LNP1: variants seen among roughly 807,000 people sequenced by gnomAD.
LNP1 encodes leukemia NUP98 fusion partner 1.
Under a neutral mutation model 14.5 loss-of-function variants are expected in LNP1, and 12 were observed. That is an observed-to-expected ratio of 0.83 (90% CI 0.53 to 1.34). LNP1 has a LOEUF of 1.34. Among genes scored for constraint, LNP1 ranks in the 40% most tolerant of loss-of-function variants. The pLI is 0.00. For synonymous variants in LNP1, 75 were observed against 71.4 expected, an observed-to-expected ratio of 1.05 and a Z score of -0.26; for missense variants, 198 against 210.9, an observed-to-expected ratio of 0.94 and a Z score of 0.38.
At chr3:100,413,034 G>A (rs1707045007) in intron 1 of LNP1, among the ~76,000 whole-genome samples, 1 of 152,190 alleles carries the variant, frequency 6.6e-6, no homozygotes, top group Non-Finnish European at 1.5e-5. Flanking sequence ...CAATACCACT[G>A]GTGTCAGCCG....
chr3:100,419,562 T>C (rs1707124564), intron 1 of LNP1, among the ~76,000 whole-genome samples: 1 of 152,114 alleles, frequency 6.6e-6, no homozygotes, highest in South Asian at 2.1e-4. Flanking sequence ...TGTGTAACTG[T>C]CACAATCAAA....
chr3:100,454,290 TTA>T (rs1462099931), intron 3 of LNP1, among the ~76,000 whole-genome samples: 1 of 152,212 alleles, frequency 6.6e-6, no homozygotes, highest in Non-Finnish European at 1.5e-5. Context: ...ATTGAATATT[TTA>T]TTTTACATCA....
rs1297508763 is a variant in LNP1 at position 100,412,293 on chromosome 3, C to T, written c.-34+9854C>T. 2.0e-5 allele frequency among the ~76,000 whole-genome samples: 3 copies of T among 152,238 alleles called. No homozygotes were observed. In the East Asian group the frequency reaches 5.8e-4, roughly 29 times the overall value. ...TCTCTAGAGAGCAAGAACTCACTAC[C>T]GTGAGAATAGCACCAAGCAAAAGGG... On this transcript the variant is annotated intron_variant, in intron 1 of 3. Coordinates refer to ENST00000383693, the MANE Select transcript of LNP1 (RefSeq NM_001085451.2).
At chr3:100,419,913 T>C (rs547167528) in intron 1 of LNP1, among the ~76,000 whole-genome samples, 17 of 152,290 alleles carry the variant, frequency 1.1e-4, no homozygotes, top group African/African-American at 3.6e-4. Flanking sequence ...CTGGGTCATA[T>C]GGTAGATGTA....
At position 100,402,248 on chromosome 3, in the gene LNP1, T is replaced by C. The variant is rs1041881566; in HGVS notation, c.-225T>C. ...CAGAACTATGGTTCTCCATTTCTGG[T>C]ATACTGGTTTGCAGAAGCCTTACAT... On this transcript the variant is annotated 5_prime_UTR_variant, in exon 1 of 4. Transcript: ENST00000383693. The C allele has an allele frequency of 1.3e-5, 2 of 152,252 alleles. No homozygotes were observed. The highest frequency in any genetic ancestry group is 4.8e-5 in the African/African-American group (2 of 41,478). The allele number at this position is 152,252 out of a possible 1,614,324, so 9.4% of individuals were successfully genotyped here.
intron 2 of LNP1, among the ~76,000 whole-genome samples, chr3:100,436,571 C>T (rs930567688): frequency 1.3e-5 from 2 of 152,086 alleles, no homozygotes; most frequent in Non-Finnish European, 2.9e-5. Context: ...TTTCCAGATG[C>T]CTTCAGCTAA....
chr3:100,453,277 A>C (rs1356627935), intron 3 of LNP1, among the ~76,000 whole-genome samples: 1 of 152,116 alleles, frequency 6.6e-6, no homozygotes, highest in Non-Finnish European at 1.5e-5. Context: ...AGAATAGTGA[A>C]CAGCTGTCAT....
intron 1 of LNP1, 149 bp from the exon 2 acceptor site, chr3:100,429,548 A>C: frequency 1.7e-6 from 1 of 600,714 alleles, no homozygotes; most frequent in Non-Finnish European, 3.0e-6. Flanking sequence ...CTGCCTGATG[A>C]TGAAGTGGTT....
intron 2 of LNP1, among the ~76,000 whole-genome samples, chr3:100,431,679 T>G (rs1214423055): frequency 6.6e-6 from 1 of 151,912 alleles, no homozygotes; most frequent in Non-Finnish European, 1.5e-5. Context: ...ATACTTTCTA[T>G]CTCTAAAATG....
At chr3:100,450,028 TA>T (rs1162691438) in intron 2 of LNP1, among the ~76,000 whole-genome samples, 3 of 150,224 alleles carry the variant, frequency 2.0e-5, no homozygotes, top group South Asian at 2.1e-4. Flanking sequence ...GTAGTCAAAA[TA>T]AAAAAACTTT....
intron 2 of LNP1, among the ~76,000 whole-genome samples, chr3:100,448,794 G>A (rs539231692): frequency 6.6e-6 from 1 of 152,224 alleles, no homozygotes; most frequent in East Asian, 1.9e-4. Context: ...GAAACACTGT[G>A]TACACAACAC....
rs1176967468 is a variant in LNP1, at chr3:100,406,316, T to C, written c.-34+3877T>C. On this transcript the variant is annotated intron_variant, in intron 1 of 3. Transcript: ENST00000383693. ...AAAAAAAACCTCTCAGGTGTACACT[T>C]GTCTGTGGGAAAAATAAAAAAATAG... Among the ~76,000 whole-genome samples the C allele has an allele frequency of 1.3e-5, 2 of 151,702 alleles. 1 individual carries two copies. The highest frequency in any genetic ancestry group is 3.9e-4 in the East Asian group (2 of 5,154).
rs374290848 is a variant in LNP1, at chr3:100,435,024, C to G, written c.156+5139C>G. 1.1e-3 allele frequency among the ~76,000 whole-genome samples: 168 copies of G among 152,180 alleles called. 3 individuals are homozygous for G. The highest frequency in any genetic ancestry group is 3.9e-3 in the African/African-American group (162 of 41,510). ...GGCATGGCCCTCTTAGGGGAGTTCT[C>G]ACAAACCTGGGAGAGAACACATACT... On this transcript the variant is annotated intron_variant, in intron 2 of 3. Transcript: ENST00000383693.
intron 1 of LNP1, among the ~76,000 whole-genome samples, chr3:100,426,884 T>C (rs542868957): frequency 6.6e-6 from 1 of 152,312 alleles, no homozygotes; most frequent in Admixed American, 6.5e-5. Context: ...TATGAAAGTA[T>C]AAGCATATAA....
intron 2 of LNP1, among the ~76,000 whole-genome samples, chr3:100,447,779 C>T (rs1296926093): frequency 6.6e-6 from 1 of 152,118 alleles, no homozygotes; most frequent in Non-Finnish European, 1.5e-5. Flanking sequence ...TCTCTTTAAG[C>T]TTTCTTACAA....
At chr3:100,443,380 C>T (rs1707361979) in intron 2 of LNP1, among the ~76,000 whole-genome samples, 1 of 152,216 alleles carries the variant, frequency 6.6e-6, no homozygotes, top group African/African-American at 2.4e-5. Context: ...CATGGTAGGA[C>T]TGCTGTGCTT....
rs186853391 is a variant in LNP1 at position 100,451,871 on chromosome 3, A to T, written c.309A>T (p.Arg103Ser). ...AGGAGCCACTGGAATCAAAAGGAAG[A>T]TCCCATTCCAAAATTGAGAAATTTT... ...SFKEPLESKG[R>S]SHSKIEKFSE... Residue 103 changes from arginine (R) to serine (S), a missense_variant, in exon 3 of 4, where the codon AGA (arginine) becomes AGT (serine). Physicochemically the swap from Arg to Ser is moderately radical, Grantham distance 110. Coordinates refer to ENST00000383693, the MANE Select transcript of LNP1 (RefSeq NM_001085451.2). 112 of 1,304,122 alleles carry T rather than the reference A, an allele frequency of 8.6e-5. No individual in the cohort carries two copies. In the African/African-American group the frequency reaches 1.8e-3, roughly 21 times the overall value. The allele number at this position is 1,304,122 out of a possible 1,614,324, so 80.8% of individuals were successfully genotyped here. A position where few individuals can be genotyped will look rare whatever the true frequency, so the allele number is the denominator to read the frequency against.
chr3:100,428,331 A>C lies in LNP1; in HGVS notation c.-33-1366A>C, dbSNP rs990169495. ...GGCAGATCACGAGGTCAAGAGTTTG[A>C]GACAAGCCTGGCCAACATGGTGAAA... On this transcript the variant is annotated intron_variant, in intron 1 of 3. Transcript: ENST00000383693. 6.6e-5 allele frequency among the ~76,000 whole-genome samples: 10 copies of C among 152,148 alleles called. No individual in the cohort carries two copies. The South Asian group carries it at 2.1e-3, about 31-fold the overall frequency.
At chr3:100,412,762 C>T (rs1005397820) in intron 1 of LNP1, among the ~76,000 whole-genome samples, 5 of 152,140 alleles carry the variant, frequency 3.3e-5, no homozygotes, top group African/African-American at 1.2e-4. Flanking sequence ...TACTGTATTG[C>T]CATAATTATT....
Sources: allele counts gnomAD v4.1 joint callset (sites outside exome capture counted in the v4.1 genomes callset), GRCh38; gene constraint gnomAD v4.1.1; transcripts MANE v1.5; gene names NCBI Gene and HGNC (gene_info 2026-07-23, HGNC 2026-07-21).